TBC1D30: variants seen among roughly 807,000 people sequenced by gnomAD.
TBC1D30 encodes the protein TBC1 domain family member 30, also known as TBC1 domain family, member 30.
TBC1D30 carries 31 observed loss-of-function variants against 63.2 expected under a neutral mutation model. That is an observed-to-expected ratio of 0.49 (90% CI 0.37 to 0.66). The LOEUF is 0.66. Among genes scored for constraint, TBC1D30 ranks in the 30% least tolerant of loss-of-function variants. TBC1D30 has a pLI of 0.00. For synonymous variants in TBC1D30, 307 were observed against 361.5 expected, an observed-to-expected ratio of 0.85 and a Z score of 1.71; for missense variants, 810 against 953.6, an observed-to-expected ratio of 0.85 and a Z score of 1.98.
In TBC1D30 at chr12:64,832,204, A is replaced by G. The variant is rs1291439052; in HGVS notation, c.494A>G (p.Tyr165Cys). 9 of 1,536,034 alleles carry G rather than the reference A, an allele frequency of 5.9e-6. No individual in the cohort carries two copies. Among genetic ancestry groups the G allele is most frequent in the African/African-American group, 2.7e-5 (2 of 73,058 alleles). ...RVVLKRVLLAYARWNKTVGYC... is the reference protein window; with the variant it reads ...RVVLKRVLLACARWNKTVGYC... ...GTGTTGAAGCGGGTGCTGCTGGCCT[A>G]TGCCCGATGGAACAAAACTGTTGGG... Residue 165 changes from tyrosine (Y) to cysteine (C), a missense_variant, in exon 5 of 12, where the codon TAT (tyrosine) becomes TGT (cysteine). Tyr to Cys is a radical substitution (Grantham distance 194). This residue lies in a region of TBC1D30 where 272 missense variants were observed against 335.9 expected (regional missense o/e 0.81). Transcript: ENST00000539867.
chr12:64,800,191 T>C (rs1259009323), intron 2 of TBC1D30, among the ~76,000 whole-genome samples: 1 of 151,980 alleles, frequency 6.6e-6, no homozygotes, highest in African/African-American at 2.4e-5. Context: ...CATGCAGAGA[T>C]AAGGGCACAG....
At chr12:64,793,205 TTGTGGCATGCA>T (rs896687931) in intron 2 of TBC1D30, among the ~76,000 whole-genome samples, 1 of 151,936 alleles carries the variant, frequency 6.6e-6, no homozygotes, top group African/African-American at 2.4e-5. Flanking sequence ...TCGCTGGGCG[TTGTGGCATGCA>T]TCTGTAGTCC....
intron 8 of TBC1D30, among the ~76,000 whole-genome samples, chr12:64,856,862 T>TTG (rs372219086): frequency 5.8e-4 from 88 of 152,312 alleles, no homozygotes; most frequent in African/African-American, 1.9e-3. Flanking sequence ...AGCTTCTACC[T>TTG]GTGGCCACCA....
At chr12:64,849,203 A>C (rs1275992988) in intron 8 of TBC1D30, among the ~76,000 whole-genome samples, 2 of 152,182 alleles carry the variant, frequency 1.3e-5, no homozygotes, top group East Asian at 1.9e-4. Context: ...AGATTACAAA[A>C]GTTTTCTCCT....
intron 1 of TBC1D30, among the ~76,000 whole-genome samples, chr12:64,765,231 G>A (rs1190511852): frequency 6.6e-6 from 1 of 152,034 alleles, no homozygotes; most frequent in Non-Finnish European, 1.5e-5. Context: ...CGTGGCTCAC[G>A]CCTGTAATCC....
intron 11 of TBC1D30, among the ~76,000 whole-genome samples, chr12:64,871,593 C>T (rs1451767529): frequency 1.3e-5 from 2 of 152,252 alleles, no homozygotes; most frequent in African/African-American, 4.8e-5. Flanking sequence ...GAATAGTTGA[C>T]TTCTTGATGA....
At chr12:64,860,016 TC>T (rs377414237) in intron 8 of TBC1D30, among the ~76,000 whole-genome samples, 73 of 149,958 alleles carry the variant, frequency 4.9e-4, no homozygotes, top group African/African-American at 1.7e-3. Flanking sequence ...AGATTCTTCT[TC>T]TTTTTTTTTT....
chr12:64,772,384 C>T (rs1208917448), intron 1 of TBC1D30, among the ~76,000 whole-genome samples: 1 of 151,874 alleles, frequency 6.6e-6, no homozygotes, highest in Non-Finnish European at 1.5e-5. Flanking sequence ...ATTAACCAGA[C>T]TTTGTTGGTG....
upstream of TBC1D30, among the ~76,000 whole-genome samples, chr12:64,824,072 C>CT (rs11423646): frequency 0.65 from 94,414 of 145,156 alleles, 30,581 homozygotes; most frequent in East Asian, 0.9. Flanking sequence ...TTGAGAATGA[C>CT]TTTTTTTTTT....
Position 64,864,731 on chromosome 12 carries a change from TACA to T in TBC1D30, c.1106_1108del (p.Asn369del). On this transcript the variant is annotated inframe_deletion, in exon 9 of 12. Coordinates refer to ENST00000539867, the MANE Select transcript of TBC1D30 (RefSeq NM_015279.2). ...GGCAGAGTTGAGGGAAAAATACACCTACAACATTACACCGTTCCCAGCCACAGT... is the reference window on the plus strand; with the variant it reads ...GGCAGAGTTGAGGGAAAAATACACCTACATTACACCGTTCCCAGCCACAGT... 6.5e-7 allele frequency: 1 copy of T among 1,536,240 alleles called. No individual in the cohort carries two copies. The highest frequency in any genetic ancestry group is 8.7e-7 in the Non-Finnish European group (1 of 1,146,918).
intron 1 of TBC1D30, among the ~76,000 whole-genome samples, chr12:64,826,606 G>A (rs1874377676): frequency 6.6e-6 from 1 of 152,102 alleles, no homozygotes; most frequent in South Asian, 2.1e-4. Context: ...ACCGTTCTAT[G>A]TTTGGGCAGG....
chr12:64,834,105 G>C (rs1875112113), intron 5 of TBC1D30, among the ~76,000 whole-genome samples: 1 of 152,140 alleles, frequency 6.6e-6, no homozygotes, highest in South Asian at 2.1e-4. Context: ...ACGAAAATGG[G>C]CTCCATGCAA....
chr12:64,878,796 A>G lies in TBC1D30; in HGVS notation c.*3008A>G, dbSNP rs990347310. On this transcript the variant is annotated 3_prime_UTR_variant, in exon 12 of 12. Transcript: ENST00000539867. ...TCCCCCAGTCTAATCGCTGGGTTGC[A>G]GGGTGGCCTGTGACCTGCCCAGCAT... The G allele has an allele frequency of 1.8e-5, 5 of 279,110 alleles. No homozygotes were observed. Among genetic ancestry groups the G allele is most frequent in the Non-Finnish European group, 3.6e-5 (5 of 140,048 alleles). 17.3% of individuals were successfully genotyped at this position (279,110 alleles called of 1,614,324 possible). A position where few individuals can be genotyped will look rare whatever the true frequency, so the allele number is the denominator to read the frequency against.
At chr12:64,767,159 A>C (rs559613944) in intron 1 of TBC1D30, among the ~76,000 whole-genome samples, 6 of 151,992 alleles carry the variant, frequency 3.9e-5, no homozygotes, top group Non-Finnish European at 8.8e-5. Context: ...ATAAACCTAA[A>C]GCAAGCAGAA....
chr12:64,796,273 G>A lies in TBC1D30; in HGVS notation c.643+10228G>A, dbSNP rs1306608195. ...GAGCTACTAGAAATTTTTAAAAAAT[G>A]ATCTCCATTTACCCACAACCTTTGG... On this transcript the variant is annotated intron_variant, in intron 2 of 12. Coordinates refer to the TBC1D30 transcript ENST00000542120. Among the ~76,000 whole-genome samples, 4 of 151,338 alleles carry A rather than the reference G, an allele frequency of 2.6e-5. No homozygotes were observed. In the East Asian group the frequency reaches 7.8e-4, roughly 30 times the overall value.
intron 8 of TBC1D30, among the ~76,000 whole-genome samples, chr12:64,853,266 TC>T (rs1440503923): frequency 4.6e-5 from 7 of 152,120 alleles, no homozygotes; most frequent in Non-Finnish European, 8.8e-5. Context: ...AGTTCGAACT[TC>T]CTGGCAGCTT....
chr12:64,853,996 A>G (rs1234514813), intron 8 of TBC1D30, among the ~76,000 whole-genome samples: 1 of 152,226 alleles, frequency 6.6e-6, no homozygotes, highest in East Asian at 1.9e-4. Context: ...TGTTTCTTGT[A>G]GGAAACGGAT....
intron 1 of TBC1D30, among the ~76,000 whole-genome samples, chr12:64,784,827 G>T (rs1871467934): frequency 6.6e-6 from 1 of 151,216 alleles, no homozygotes; most frequent in Admixed American, 6.6e-5. Flanking sequence ...TAACAAACCT[G>T]CATACTCTGC....
chr12:64,793,615 T>G (rs1319821966), intron 2 of TBC1D30, among the ~76,000 whole-genome samples: 2 of 152,076 alleles, frequency 1.3e-5, no homozygotes, highest in Non-Finnish European at 2.9e-5. Flanking sequence ...GAGCCAAGAT[T>G]GCACCACTGC....
Sources: gnomAD v4.1 joint callset for allele counts (sites outside exome capture counted in the v4.1 genomes callset) on GRCh38, gnomAD v4.1.1 for gene constraint, gnomAD v4.1.1 regional missense constraint, MANE v1.5 for transcripts, NCBI Gene and HGNC (gene_info 2026-07-23, HGNC 2026-07-21) for gene names.